The following CLUAP1 variants were observed in gnomAD, a reference collection of about 807,000 sequenced individuals.
The protein encoded by CLUAP1 is intraflagellar transport 38.
In CLUAP1, 50 loss-of-function variants were observed where a neutral mutation model predicts 55.0. The observed-to-expected ratio is 0.91, with a 90% CI of 0.72 to 1.15. The LOEUF (loss-of-function observed/expected upper bound fraction) is 1.15. Among genes scored for constraint, CLUAP1 ranks in the 50% most tolerant of loss-of-function variants. The probability of loss-of-function intolerance (pLI) is 0.00; values close to 1 mark genes in which losing one functional copy is unlikely to be tolerated. For missense variants in CLUAP1, 530 were observed against 507.6 expected (o/e 1.04, Z -0.42); for synonymous variants, 195 against 175.4 (o/e 1.11, Z -0.88).
chr16:3,512,431 A>G lies in CLUAP1; in HGVS notation c.448A>G (p.Lys150Glu). Residue 150 changes from lysine to glutamate, a missense_variant, in exon 5 of 12, where the codon AAA becomes GAA. Transcript: ENST00000576634. ...GCAGCTTGCGTCTGAAATCACCTCC[A>G]AAGGAGCATCTCTGTATGACTTGCT... ...ARQLASEITS[K>E]GASLYDLLGM... 6.2e-7 allele frequency: 1 copy of G among 1,614,106 alleles called. No individual in the cohort carries two copies. Among genetic ancestry groups the G allele is most frequent in the African/African-American group, 1.3e-5 (1 of 75,052 alleles).
chr16:3,512,458 G>C lies in CLUAP1; in HGVS notation c.475G>C (p.Gly159Arg). 1 of 1,613,654 alleles carries C rather than the reference G, an allele frequency of 6.2e-7. No homozygotes were observed. Among genetic ancestry groups the C allele is most frequent in the South Asian group, 1.1e-5 (1 of 91,074 alleles). Residue 159 changes from glycine (G) to arginine (R), a missense_variant, in exon 5 of 12, where the codon GGC becomes CGC. Transcript: ENST00000576634. ...SKGASLYDLL[G>R]MEVELREMRT... Reference sequence around the variant, plus strand: ...AGGAGCATCTCTGTATGACTTGCTCGGCATGGAAGTAGAGTTGAGGGTAAG... The same window carrying C: ...AGGAGCATCTCTGTATGACTTGCTCCGCATGGAAGTAGAGTTGAGGGTAAG...
intron 11 of CLUAP1, chr16:3,535,407 T>C (rs1390285714): frequency 6.6e-6 from 1 of 151,730 alleles, no homozygotes; most frequent in Non-Finnish European, 1.5e-5. Flanking sequence ...AATTACAGCA[T>C]GAGTGTGCAC....
At chr16:3,514,439 C>G (rs2037691705) in intron 5 of CLUAP1, among the ~76,000 whole-genome samples, 1 of 152,194 alleles carries the variant, frequency 6.6e-6, no homozygotes, top group Admixed American at 6.5e-5. Context: ...AGGCACTGAG[C>G]TCTGCCTCCT....
chr16:3,531,219 G>A (rs554203628), intron 10 of CLUAP1, among the ~76,000 whole-genome samples: 2 of 152,140 alleles, frequency 1.3e-5, no homozygotes, highest in East Asian at 1.9e-4. Context: ...CAACATAGAG[G>A]GGCTCTTAAA....
At chr16:3,498,486 C>T (rs982237231), upstream of CLUAP1, among the ~76,000 whole-genome samples, 1 of 152,122 alleles carries the variant, frequency 6.6e-6, no homozygotes, top group Non-Finnish European at 1.5e-5. Flanking sequence ...CAAATAACCA[C>T]AACAATCTTG....
chr16:3,533,072 T>C (rs780524013), intron 11 of CLUAP1: 20 of 1,534,590 alleles, frequency 1.3e-5, no homozygotes, highest in Admixed American at 2.0e-5. Context: ...GCCTTCTCAC[T>C]GTTCTTTCCA....
At chr16:3,529,798 AT>A (rs1273293116) in intron 9 of CLUAP1, among the ~76,000 whole-genome samples, 2 of 61,764 alleles carry the variant, frequency 3.2e-5, no homozygotes, top group African/African-American at 7.1e-5. Context: ...TATATATTAT[AT>A]TATTATATAT....
At chr16:3,498,767 G>A (rs533895982), upstream of CLUAP1, among the ~76,000 whole-genome samples, 16 of 152,276 alleles carry the variant, frequency 1.1e-4, no homozygotes, top group Non-Finnish European at 1.6e-4. Context: ...GGCCGAGGCA[G>A]GAGAATGGCG....
At chr16:3,529,727 A>T (rs868400359) in intron 9 of CLUAP1, among the ~76,000 whole-genome samples, 1 of 31,238 alleles carries the variant, frequency 3.2e-5, no homozygotes, top group African/African-American at 1.7e-4. Context: ...ATTATATATT[A>T]TATATATTAT....
At chr16:3,501,237 C>G (rs2037393345) in intron 1 of CLUAP1, 148 bp downstream of exon 1, 2 of 779,202 alleles carry the variant, frequency 2.6e-6, no homozygotes, top group East Asian at 5.4e-5. Flanking sequence ...GCCTGACCCG[C>G]GGCTGCAACC....
chr16:3,516,340 A>C (rs2037729001), intron 6 of CLUAP1, among the ~76,000 whole-genome samples: 2 of 152,216 alleles, frequency 1.3e-5, no homozygotes, highest in Non-Finnish European at 2.9e-5. Context: ...AAATTCTAAA[A>C]ATCATAGGTT....
chr16:3,500,427 T>G (rs1459535816), upstream of CLUAP1, among the ~76,000 whole-genome samples: 1 of 147,564 alleles, frequency 6.8e-6, no homozygotes, highest in Non-Finnish European at 1.5e-5. Flanking sequence ...CGAAGGGCAG[T>G]GGCGCGATCT....
At chr16:3,499,075 A>G (rs951779084), upstream of CLUAP1, among the ~76,000 whole-genome samples, 3 of 152,290 alleles carry the variant, frequency 2.0e-5, no homozygotes, top group African/African-American at 7.2e-5. Context: ...ATGGAAATAT[A>G]CAAATGGTCA....
chr16:3,506,578 G>A (rs971876840), intron 3 of CLUAP1, among the ~76,000 whole-genome samples, 163 bp downstream of exon 3: 1 of 151,964 alleles, frequency 6.6e-6, no homozygotes, highest in Non-Finnish European at 1.5e-5. Context: ...GCACAATCTT[G>A]GCTCACTGCA....
intron 9 of CLUAP1, among the ~76,000 whole-genome samples, chr16:3,529,788 T>C (rs2038067225): frequency 1.7e-5 from 1 of 60,056 alleles, no homozygotes; most frequent in South Asian, 4.0e-4. Flanking sequence ...TATTATATAA[T>C]ATATATTATA....
rs2038161094 is a variant in CLUAP1, at chr16:3,533,076, C to G, written c.1092+235C>G. The G allele has an allele frequency of 2.0e-6, 3 of 1,535,158 alleles. 1 individual carries two copies. The highest frequency in any genetic ancestry group is 3.3e-4 in the Middle Eastern group (2 of 5,984). On this transcript the variant is annotated intron_variant, in intron 11 of 11. Transcript: ENST00000576634. ...CTGCTTTTTTTGCCTTCTCACTGTT[C>G]TTTCCATTCTCGCTTTCCAAAGATG...
chr16:3,523,099 C>T, intron 7 of CLUAP1, 59 bp from the exon 8 acceptor site: 3 of 1,402,726 alleles, frequency 2.1e-6, no homozygotes, highest in Non-Finnish European at 2.9e-6. Context: ...CTGTGAATAC[C>T]CATTTCAAAC....
chr16:3,537,164 A>C lies in CLUAP1; in HGVS notation c.*893A>C, dbSNP rs2038249150. On this transcript the variant is annotated 3_prime_UTR_variant, in exon 12 of 12. Transcript: ENST00000576634. ...GACATAGTGCACAACACAGGGACAA[A>C]GGCAGGTTTCCTGCAGCTCGCTACC... 1 of 152,202 alleles carries C rather than the reference A, an allele frequency of 6.6e-6. No individual in the cohort carries two copies. The highest frequency in any genetic ancestry group is 1.5e-5 in the Non-Finnish European group (1 of 68,046). 9.4% of individuals were successfully genotyped at this position (152,202 alleles called of 1,614,324 possible). A position where few individuals can be genotyped will look rare whatever the true frequency, so the allele number is the denominator to read the frequency against.
At chr16:3,532,224 C>T (rs1027127581) in intron 10 of CLUAP1, among the ~76,000 whole-genome samples, 3 of 152,126 alleles carry the variant, frequency 2.0e-5, no homozygotes, top group Admixed American at 6.6e-5. Context: ...GATATTTCCC[C>T]TCTTTTCCTT....
Sources: allele counts gnomAD v4.1 joint callset (sites outside exome capture counted in the v4.1 genomes callset), GRCh38; gene constraint gnomAD v4.1.1; transcripts MANE v1.5; gene names NCBI Gene and HGNC (gene_info 2026-07-23, HGNC 2026-07-21).